The following TMCC3 variants were observed in gnomAD, a reference collection of about 807,000 sequenced individuals.
The protein encoded by TMCC3 is transmembrane and coiled-coil domain protein 3.
A neutral mutation model predicts 40.2 loss-of-function variants in TMCC3; 28 were observed. The observed-to-expected ratio is 0.70, with a 90% CI of 0.52 to 0.95. The LOEUF (loss-of-function observed/expected upper bound fraction) is 0.95, where lower values mean the gene tolerates loss of function less well. Among genes scored for constraint, TMCC3 ranks in the 40% least tolerant of loss-of-function variants. The pLI is 0.00. For missense variants in TMCC3, 554 were observed against 615.2 expected, an observed-to-expected ratio of 0.90 and a Z score of 1.05; for synonymous variants, 255 against 248.5, an observed-to-expected ratio of 1.03 and a Z score of -0.25.
chr12:94,617,647 C>T (rs1566329983), intron 1 of TMCC3, among the ~76,000 whole-genome samples: 2 of 152,210 alleles, frequency 1.3e-5, no homozygotes, highest in Non-Finnish European at 2.9e-5. Context: ...TGCCACAAGT[C>T]ATATGAAAAA....
At position 94,603,633 on chromosome 12, in the gene TMCC3, A is replaced by G. The variant is rs112194446; in HGVS notation, c.79-21095T>C. Among the ~76,000 whole-genome samples, 879 of 152,292 alleles carry G rather than the reference A, an allele frequency of 5.8e-3. 8 individuals are homozygous for G. The highest frequency in any genetic ancestry group is 0.02 in the African/African-American group (823 of 41,564). On this transcript the variant is annotated intron_variant, in intron 1 of 3. Coordinates refer to ENST00000261226, the MANE Select transcript of TMCC3 (RefSeq NM_020698.4). ...CCTTTGCGGGGAAGTAGGGGTACGG[A>G]GAATGATTCACCAGTAGGTGGCACC...
chr12:94,600,240 G>GTTT (rs530585319), intron 1 of TMCC3, among the ~76,000 whole-genome samples: 30 of 102,068 alleles, frequency 2.9e-4, no homozygotes, highest in Non-Finnish European at 4.5e-4. Context: ...CCAAATTCTG[G>GTTT]TTTTTTTTTT....
chr12:94,625,508 G>A (rs183447767), intron 1 of TMCC3, among the ~76,000 whole-genome samples: 4 of 151,506 alleles, frequency 2.6e-5, no homozygotes, highest in Admixed American at 1.3e-4. Flanking sequence ...GCAGGAGAAC[G>A]GCTTGAATCT....
intron 1 of TMCC3, among the ~76,000 whole-genome samples, chr12:94,621,854 A>G (rs1435154011): frequency 6.6e-6 from 1 of 152,188 alleles, no homozygotes; most frequent in South Asian, 2.1e-4. Flanking sequence ...AGTGATTAAT[A>G]AAGCCTGAAC....
intron 3 of TMCC3, among the ~76,000 whole-genome samples, chr12:94,576,916 C>T (rs1238222729): frequency 1.3e-5 from 2 of 152,122 alleles, no homozygotes; most frequent in Admixed American, 6.5e-5. Context: ...CAGATCCTAC[C>T]CATTCCTTCC....
At chr12:94,598,479 C>G (rs1439817305) in intron 1 of TMCC3, 2 of 581,224 alleles carry the variant, frequency 3.4e-6, no homozygotes, top group Non-Finnish European at 4.3e-6. Flanking sequence ...TGGAGATGTT[C>G]TCAATTTGGC....
intron 1 of TMCC3, among the ~76,000 whole-genome samples, chr12:94,587,309 G>T (rs1413080451): frequency 6.6e-6 from 1 of 152,082 alleles, no homozygotes; most frequent in Non-Finnish European, 1.5e-5. Context: ...CACCTCTACG[G>T]GCTTCCATTT....
chr12:94,568,465 T>G lies in TMCC3; in HGVS notation c.*2970A>C, dbSNP rs2068507984. ...GTGCTTACCCACCCAACAAGCACTT[T>G]CCATCTTTGGGTTTGCCCAAGATGT... On this transcript the variant is annotated 3_prime_UTR_variant, in exon 4 of 4. Coordinates refer to ENST00000261226, the MANE Select transcript of TMCC3 (RefSeq NM_020698.4). 1 of 152,202 alleles carries G rather than the reference T, an allele frequency of 6.6e-6. No individual in the cohort carries two copies. Among genetic ancestry groups the G allele is most frequent in the African/African-American group, 2.4e-5 (1 of 41,442 alleles). The allele number at this position is 152,202 out of a possible 1,614,324, so 9.4% of individuals were successfully genotyped here.
At position 94,571,451 on chromosome 12, in the gene TMCC3, A is replaced by T; in HGVS notation, c.1418T>A (p.Met473Lys). The change falls in exon 4 of 4, where the codon ATG becomes AAG. Residue 473 changes from methionine (M) to lysine (K), a missense_variant. Met to Lys is a moderately conservative substitution (Grantham distance 95, BLOSUM62 -1). Coordinates refer to ENST00000261226, the MANE Select transcript of TMCC3 (RefSeq NM_020698.4). The part of the protein sequence containing the change: ...WDHILCAIER[M>K]IIPR Reference sequence around the variant, plus strand: ...CCAGTGGCTTCATCTTGGTATTATCATCCTTTCTATGGCACACAGGATATG... The same window carrying T: ...CCAGTGGCTTCATCTTGGTATTATCTTCCTTTCTATGGCACACAGGATATG... 1 of 1,612,752 alleles carries T rather than the reference A, an allele frequency of 6.2e-7. No homozygotes were observed. The highest frequency in any genetic ancestry group is 8.5e-7 in the Non-Finnish European group (1 of 1,178,720).
rs1478545216 is a variant in TMCC3, at chr12:94,567,181, TA to T, written c.*4253del. 6.6e-6 allele frequency: 1 copy of T among 152,180 alleles called. No individual in the cohort carries two copies. The highest frequency in any genetic ancestry group is 2.4e-5 in the African/African-American group (1 of 41,434). 9.4% of individuals were successfully genotyped at this position (152,180 alleles called of 1,614,324 possible). A position where few individuals can be genotyped will look rare whatever the true frequency, so the allele number is the denominator to read the frequency against. ...CCAAAGCTAACATCAAGTGTTTATT[TA>T]AAAAAATAATGGCACCTGCTTTGGA... is the stretch of plus-strand genomic sequence containing the variant. On this transcript the variant is annotated 3_prime_UTR_variant, in exon 4 of 4. Transcript: ENST00000261226.
At chr12:94,625,259 G>C (rs1257033395) in intron 1 of TMCC3, among the ~76,000 whole-genome samples, 2 of 151,562 alleles carry the variant, frequency 1.3e-5, no homozygotes, top group African/African-American at 4.8e-5. Flanking sequence ...CATATCTTTT[G>C]GTGGGGGACA....
intron 1 of TMCC3, among the ~76,000 whole-genome samples, chr12:94,582,773 T>A (rs2068612956): frequency 6.6e-6 from 1 of 152,028 alleles, no homozygotes; most frequent in Non-Finnish European, 1.5e-5. Flanking sequence ...GGGTATCCAC[T>A]TTTTTTGTGT....
At chr12:94,608,804 T>C (rs2068798491) in intron 1 of TMCC3, among the ~76,000 whole-genome samples, 1 of 152,220 alleles carries the variant, frequency 6.6e-6, no homozygotes, top group African/African-American at 2.4e-5. Context: ...GCCACATGTA[T>C]GTAGACGTTA....
At chr12:94,585,684 T>TCAAACAAACAAA (rs4019546) in intron 1 of TMCC3, among the ~76,000 whole-genome samples, 46 of 150,158 alleles carry the variant, frequency 3.1e-4, no homozygotes, top group African/African-American at 1.1e-3. Flanking sequence ...AGACACCGTC[T>TCAAACAAACAAA]CAAACAAACA....
At chr12:94,589,800 G>A (rs1042193110) in intron 1 of TMCC3, among the ~76,000 whole-genome samples, 3 of 152,080 alleles carry the variant, frequency 2.0e-5, no homozygotes, top group African/African-American at 4.8e-5. Context: ...TGAGAAAACC[G>A]AGACTTGTAA....
In TMCC3 at chr12:94,581,645, C is replaced by A; in HGVS notation, c.972G>T (p.Gln324His). 1 of 1,586,566 alleles carries A rather than the reference C, an allele frequency of 6.3e-7. No homozygotes were observed. The highest frequency in any genetic ancestry group is 1.1e-5 in the South Asian group (1 of 88,782). ...QFKREYGFIS[Q>H]TLQEERYRYE... Reference sequence around the variant, plus strand: ...ACCTGTATCTTTCCTCTTGCAGGGTCTGAGAAATAAAACCATATTCTCTCT... The same window carrying A: ...ACCTGTATCTTTCCTCTTGCAGGGTATGAGAAATAAAACCATATTCTCTCT... The change falls in exon 2 of 4, where the codon CAG (glutamine) becomes CAT (histidine). Residue 324 changes from glutamine (Q) to histidine (H), a missense_variant. Coordinates refer to ENST00000261226, the MANE Select transcript of TMCC3 (RefSeq NM_020698.4).
chr12:94,597,145 AT>A lies in TMCC3; in HGVS notation c.79-14608del, dbSNP rs1566322265. Among the ~76,000 whole-genome samples the A allele has an allele frequency of 6.3e-4, 10 of 15,886 alleles. 1 individual carries two copies. Among genetic ancestry groups the A allele is most frequent in the South Asian group, 1.5e-3 (1 of 684 alleles). 10.4% of individuals were successfully genotyped at this position (15,886 alleles called of 152,430 possible). ...AATACATATATATATATATATATAT[AT>A]ATATATATATATGTATATAAATTAG... On this transcript the variant is annotated intron_variant, in intron 1 of 3. Coordinates refer to ENST00000261226, the MANE Select transcript of TMCC3 (RefSeq NM_020698.4).
At chr12:94,583,073 G>C (rs1002107777) in intron 1 of TMCC3, among the ~76,000 whole-genome samples, 1 of 148,732 alleles carries the variant, frequency 6.7e-6, no homozygotes, top group Non-Finnish European at 1.5e-5. Flanking sequence ...TTTTCTTAAT[G>C]GAATCATTAA....
intron 1 of TMCC3, among the ~76,000 whole-genome samples, chr12:94,604,642 CAA>C (rs62951060): frequency 1.1e-3 from 133 of 116,056 alleles, no homozygotes; most frequent in East Asian, 0.01. Flanking sequence ...CCATCTCTAC[CAA>C]AAAAAAAAAA....
Sources: allele counts gnomAD v4.1 joint callset (sites outside exome capture counted in the v4.1 genomes callset), GRCh38; gene constraint gnomAD v4.1.1; transcripts MANE v1.5; gene names NCBI Gene and HGNC (gene_info 2026-07-23, HGNC 2026-07-21).